The following ADGRA3 variants were observed in gnomAD, a reference collection of about 807,000 sequenced individuals.
The protein encoded by ADGRA3 is adhesion G protein-coupled receptor A3.
ADGRA3 carries 56 observed loss-of-function variants against 119.8 expected under a neutral mutation model. That is an observed-to-expected ratio of 0.47 (90% CI 0.38 to 0.58). The LOEUF (loss-of-function observed/expected upper bound fraction) is 0.58. ADGRA3 is among the 20% of genes least tolerant of loss of function. The pLI, the probability that ADGRA3 is intolerant of heterozygous loss-of-function variation, is 0.00. For missense variants in ADGRA3, 1,516 were observed against 1,649.0 expected, an observed-to-expected ratio of 0.92 and a Z score of 1.40; for synonymous variants, 607 against 623.8, an observed-to-expected ratio of 0.97 and a Z score of 0.40.
chr4:22,514,918 C>CAG (rs1309893637), intron 1 of ADGRA3, among the ~76,000 whole-genome samples: 2 of 152,142 alleles, frequency 1.3e-5, no homozygotes, highest in African/African-American at 4.8e-5. Flanking sequence ...TATAAGCCCT[C>CAG]ACAGACACGA....
intron 10 of ADGRA3, among the ~76,000 whole-genome samples, chr4:22,430,346 G>A (rs1447159483): frequency 6.6e-6 from 1 of 152,170 alleles, no homozygotes; most frequent in Non-Finnish European, 1.5e-5. Context: ...AGGAAAATGT[G>A]GGAAACTTTG....
At chr4:22,389,666 G>C (rs1714028059) in intron 17 of ADGRA3, among the ~76,000 whole-genome samples, 1 of 152,154 alleles carries the variant, frequency 6.6e-6, no homozygotes, top group African/African-American at 2.4e-5. Context: ...CTCATCGCCA[G>C]TCCACTGAGA....
chr4:22,440,634 T>A lies in ADGRA3; in HGVS notation c.920+2016A>T, dbSNP rs561379389. 5.8e-4 allele frequency among the ~76,000 whole-genome samples: 88 copies of A among 152,308 alleles called. 1 individual carries two copies. The highest frequency in any genetic ancestry group is 2.9e-3 in the Admixed American group (44 of 15,302). On this transcript the variant is annotated intron_variant, in intron 7 of 18. Coordinates refer to ENST00000334304, the MANE Select transcript of ADGRA3 (RefSeq NM_145290.4). ...ACATAATTTAAATTTAAGCATGACT[T>A]GCAGAAATAGATTTATACAGTAAAT...
At chr4:22,445,185 A>T (rs750647711) in intron 5 of ADGRA3, 52 bp from the exon 6 acceptor site, 168 of 1,540,792 alleles carry the variant, frequency 1.1e-4, no homozygotes, top group Non-Finnish European at 1.4e-4. Flanking sequence ...ATTAAATAGC[A>T]CTTTTGTTTT....
intron 9 of ADGRA3, among the ~76,000 whole-genome samples, chr4:22,436,020 G>A (rs1716376662): frequency 6.6e-6 from 1 of 152,078 alleles, no homozygotes; most frequent in Admixed American, 6.6e-5. Context: ...TCTTCCACTT[G>A]CTTATAGTCT....
intron 12 of ADGRA3, among the ~76,000 whole-genome samples, chr4:22,418,172 G>C (rs1225339687): frequency 6.6e-6 from 1 of 152,144 alleles, no homozygotes; most frequent in African/African-American, 2.4e-5. Context: ...GATAGATGCT[G>C]TCAGTAAGAG....
At chr4:22,439,093 A>G (rs976919040) in intron 7 of ADGRA3, among the ~76,000 whole-genome samples, 1 of 152,188 alleles carries the variant, frequency 6.6e-6, no homozygotes, top group East Asian at 1.9e-4. Flanking sequence ...TCCAAGTCAC[A>G]TCTCCCTTCT....
At chr4:22,515,157 C>A (rs569606866) in intron 1 of ADGRA3, among the ~76,000 whole-genome samples, 8 of 152,238 alleles carry the variant, frequency 5.3e-5, no homozygotes, top group Non-Finnish European at 1.5e-5. Context: ...TGCAATCAAG[C>A]ATTGTGTTTT....
At chr4:22,390,592 A>C (rs574287339) in intron 17 of ADGRA3, among the ~76,000 whole-genome samples, 1 of 151,604 alleles carries the variant, frequency 6.6e-6, no homozygotes, top group South Asian at 2.1e-4. Context: ...CCCACTCACC[A>C]CCATGATGCT....
At chr4:22,480,192 GA>G (rs1235430792) in intron 1 of ADGRA3, among the ~76,000 whole-genome samples, 1 of 152,120 alleles carries the variant, frequency 6.6e-6, no homozygotes, top group African/African-American at 2.4e-5. Context: ...CAAAAGGCTT[GA>G]ACAGATAGTT....
At chr4:22,489,941 A>G (rs1266752709) in intron 1 of ADGRA3, among the ~76,000 whole-genome samples, 5 of 152,242 alleles carry the variant, frequency 3.3e-5, no homozygotes, top group Non-Finnish European at 5.9e-5. Flanking sequence ...ATTAATAATT[A>G]CACTGAGACA....
intron 1 of ADGRA3, among the ~76,000 whole-genome samples, chr4:22,489,106 G>A (rs1295123501): frequency 1.3e-5 from 2 of 152,142 alleles, no homozygotes; most frequent in Non-Finnish European, 2.9e-5. Context: ...CACATGGCTG[G>A]GGAGGCCTCA....
chr4:22,515,769 G>T lies in ADGRA3; in HGVS notation c.16C>A (p.Arg6Ser). MEPPGRRRGRAQPPLL... is the reference protein window; with the variant it reads MEPPGSRRGRAQPPLL... ...GGCGGCTGCGCGCGGCCCCGCCGGCGTCCGGGTGGCTCCATGCTGCGGGCC... is the reference window on the plus strand; with the variant it reads ...GGCGGCTGCGCGCGGCCCCGCCGGCTTCCGGGTGGCTCCATGCTGCGGGCC... Residue 6 changes from arginine (R) to serine (S), a missense_variant, in exon 1 of 19, where the codon CGC becomes AGC. Physicochemically the swap from Arg to Ser is moderately radical, Grantham distance 110 (BLOSUM62 -1). Around this residue, in one of 2 missense-constraint regions of ADGRA3, gnomAD observed 428 missense variants for 541.9 expected, o/e 0.79. Coordinates refer to ENST00000334304, the MANE Select transcript of ADGRA3 (RefSeq NM_145290.4). The T allele has an allele frequency of 7.9e-6, 8 of 1,018,776 alleles. No homozygotes were observed. The highest frequency in any genetic ancestry group is 9.3e-6 in the Non-Finnish European group (8 of 856,288). The allele number at this position is 1,018,776 out of a possible 1,614,324, so 63.1% of individuals were successfully genotyped here. A position where few individuals can be genotyped will look rare whatever the true frequency, so the allele number is the denominator to read the frequency against.
At chr4:22,472,546 T>C (rs1717893584) in intron 2 of ADGRA3, among the ~76,000 whole-genome samples, 1 of 152,110 alleles carries the variant, frequency 6.6e-6, no homozygotes, top group South Asian at 2.1e-4. Context: ...TGTATATATA[T>C]ATATACACAC....
intron 2 of ADGRA3, among the ~76,000 whole-genome samples, chr4:22,470,184 T>G (rs2109115569): frequency 6.6e-6 from 1 of 152,252 alleles, no homozygotes; most frequent in East Asian, 1.9e-4. Context: ...ATCAGTTATC[T>G]ACTGCATAGA....
chr4:22,469,905 C>G (rs891197671), intron 2 of ADGRA3, among the ~76,000 whole-genome samples: 1 of 152,192 alleles, frequency 6.6e-6, no homozygotes. Flanking sequence ...TGCTGGCACT[C>G]CCAAACTTGG....
intron 1 of ADGRA3, among the ~76,000 whole-genome samples, chr4:22,504,482 C>T (rs1411017321): frequency 6.6e-6 from 1 of 152,040 alleles, no homozygotes; most frequent in African/African-American, 2.4e-5. Context: ...CTGCTGTTAG[C>T]CCTCTCATTT....
intron 1 of ADGRA3, among the ~76,000 whole-genome samples, chr4:22,506,424 G>A (rs7685164): frequency 0.13 from 19,696 of 152,062 alleles, 1,515 homozygotes; most frequent in East Asian, 0.35. Context: ...ATGGTGGTGC[G>A]TGTCTGTGGT....
chr4:22,470,520 T>C (rs1717823229), intron 2 of ADGRA3, among the ~76,000 whole-genome samples: 1 of 152,170 alleles, frequency 6.6e-6, no homozygotes, highest in Admixed American at 6.5e-5. Context: ...ATGACTTGGC[T>C]CCTATAATTT....
Sources: gnomAD v4.1 joint callset for allele counts (sites outside exome capture counted in the v4.1 genomes callset) on GRCh38, gnomAD v4.1.1 for gene constraint, gnomAD v4.1.1 regional missense constraint, MANE v1.5 for transcripts, NCBI Gene and HGNC (gene_info 2026-07-23, HGNC 2026-07-21) for gene names.